Variants in ABCC9 observed in about 807,000 individuals in gnomAD.
ABCC9 encodes ATP-binding cassette sub-family C member 9.
A neutral mutation model predicts 188.3 loss-of-function variants in ABCC9; 95 were observed. The observed-to-expected ratio is 0.50, with a 90% CI of 0.43 to 0.60. ABCC9 has a LOEUF of 0.60. ABCC9 is among the 20% of genes least tolerant of loss of function. The probability of loss-of-function intolerance (pLI) is 0.00; values close to 1 mark genes in which losing one functional copy is unlikely to be tolerated. For missense variants in ABCC9, 1,102 were observed against 1,876.3 expected (o/e 0.59, Z 7.62); for synonymous variants, 659 against 652.7 (o/e 1.01, Z -0.15).
chr12:21,828,704 A>C, intron 31 of ABCC9: 1 of 477,008 alleles, frequency 2.1e-6, no homozygotes, highest in South Asian at 2.1e-5. Flanking sequence ...TTGCCATTCC[A>C]TTAACTTATG....
chr12:21,816,436 A>T (rs1017874327), intron 33 of ABCC9, among the ~76,000 whole-genome samples: 9 of 152,042 alleles, frequency 5.9e-5, no homozygotes, highest in African/African-American at 2.2e-4. Flanking sequence ...GTGCTCTGGG[A>T]GCATGGATGG....
chr12:21,915,354 TATA>T lies in ABCC9; in HGVS notation c.816+311_816+313del, dbSNP rs573909374. Among the ~76,000 whole-genome samples, 57 of 145,844 alleles carry T rather than the reference TATA, an allele frequency of 3.9e-4. 1 individual carries two copies. The highest frequency in any genetic ancestry group is 1.3e-3 in the African/African-American group (51 of 39,628). The stretch of plus-strand genomic sequence containing the variant: ...GTATATATAGACATGTGTATGTATA[TATA>T]ATGTGTATATATGTGTGTATATATA... On this transcript the variant is annotated intron_variant, in intron 7 of 39. Coordinates refer to ENST00000261200, the MANE Select transcript of ABCC9 (RefSeq NM_020297.4).
chr12:21,921,216 C>T (rs970368046), intron 5 of ABCC9, among the ~76,000 whole-genome samples: 1 of 152,056 alleles, frequency 6.6e-6, no homozygotes, highest in African/African-American at 2.4e-5. Context: ...CTTTTCTCCT[C>T]ATTCTTGCCA....
At position 21,931,062 on chromosome 12, in the gene ABCC9, T is replaced by A. The variant is rs567876086; in HGVS notation, c.284+2720A>T. Among the ~76,000 whole-genome samples, 87 of 152,172 alleles carry A rather than the reference T, an allele frequency of 5.7e-4. 1 individual carries two copies. The highest frequency in any genetic ancestry group is 8.2e-4 in the Non-Finnish European group (56 of 68,024). On this transcript the variant is annotated intron_variant, in intron 4 of 39. Transcript: ENST00000261200. ...TAGAAGCACATTTAAATTTAAAAAT[T>A]AAATTGAGCTATGATATGGTTTGGC... is the stretch of plus-strand genomic sequence containing the variant.
intron 30 of ABCC9, 148 bp from the exon 31 acceptor site, chr12:21,829,208 T>TC (rs1943573459): frequency 3.4e-6 from 2 of 596,518 alleles, no homozygotes. Flanking sequence ...TTTTTTTTTT[T>TC]TTTTTTTTTT....
At chr12:21,805,609 G>A (rs1013850480) in intron 39 of ABCC9, among the ~76,000 whole-genome samples, 1 of 152,080 alleles carries the variant, frequency 6.6e-6, no homozygotes, top group Non-Finnish European at 1.5e-5. Flanking sequence ...TAGAAATTAG[G>A]TATAGATAGT....
intron 22 of ABCC9, among the ~76,000 whole-genome samples, chr12:21,858,411 T>TA (rs1945335810): frequency 1.3e-5 from 2 of 150,280 alleles, no homozygotes; most frequent in African/African-American, 4.9e-5. Flanking sequence ...CAGTCTCTAC[T>TA]AAAAATAAAA....
intron 14 of ABCC9, among the ~76,000 whole-genome samples, chr12:21,892,594 C>A (rs1947215407): frequency 6.6e-6 from 1 of 152,098 alleles, no homozygotes; most frequent in African/African-American, 2.4e-5. Context: ...AAAATGAGGG[C>A]AGATGTGGCC....
At chr12:21,805,183 G>C in intron 39 of ABCC9, 5 of 1,613,956 alleles carry the variant, frequency 3.1e-6, no homozygotes, top group Non-Finnish European at 4.2e-6. Context: ...TCTACTTGTT[G>C]GTCATCACCA....
At chr12:21,935,470 G>T (rs1349558322) in intron 3 of ABCC9, among the ~76,000 whole-genome samples, 1 of 151,950 alleles carries the variant, frequency 6.6e-6, no homozygotes, top group African/African-American at 2.4e-5. Flanking sequence ...CCTCTCAATT[G>T]ATATTTGTTA....
At chr12:21,887,748 A>T (rs1387159079) in intron 15 of ABCC9, 78 bp downstream of exon 15, 2 of 962,278 alleles carry the variant, frequency 2.1e-6, no homozygotes, top group Non-Finnish European at 3.4e-6. Context: ...ATCTCTTCTA[A>T]CTCAGTTGTA....
intron 12 of ABCC9, 130 bp downstream of exon 12, chr12:21,905,996 C>G: frequency 9.7e-7 from 1 of 1,033,414 alleles, no homozygotes; most frequent in Non-Finnish European, 1.5e-6. Flanking sequence ...TTGGACAGCA[C>G]GTGTTTAGAA....
Position 21,845,590 on chromosome 12 carries a change from G to C in ABCC9, c.3096+13C>G. The C allele has an allele frequency of 1.2e-6, 2 of 1,607,988 alleles. No individual in the cohort carries two copies. Among genetic ancestry groups the C allele is most frequent in the South Asian group, 2.2e-5 (2 of 90,750 alleles). ...TCCTTGATGATTTAAAAACAAAACCGAACCAATTGTACCTGATCAGCTTTT... is the reference window on the plus strand; with the variant it reads ...TCCTTGATGATTTAAAAACAAAACCCAACCAATTGTACCTGATCAGCTTTT... On this transcript the variant is annotated intron_variant, in intron 26 of 39. Coordinates refer to ENST00000261200, the MANE Select transcript of ABCC9 (RefSeq NM_020297.4).
At chr12:21,821,863 A>G (rs1041057790) in intron 31 of ABCC9, among the ~76,000 whole-genome samples, 1 of 152,162 alleles carries the variant, frequency 6.6e-6, no homozygotes, top group African/African-American at 2.4e-5. Flanking sequence ...AGACTCATCA[A>G]TAAGTTGTAG....
At chr12:21,908,296 T>C in intron 10 of ABCC9, 85 bp from the exon 11 acceptor site, 1 of 1,460,596 alleles carries the variant, frequency 6.8e-7, no homozygotes, top group Non-Finnish European at 9.5e-7. Context: ...AGTGCAAATG[T>C]AGTATTTCTT....
At chr12:21,933,184 C>T (rs571779366) in intron 4 of ABCC9, among the ~76,000 whole-genome samples, 2 of 151,734 alleles carry the variant, frequency 1.3e-5, no homozygotes, top group East Asian at 3.9e-4. Flanking sequence ...CACATGGACA[C>T]ACAGAGGGAA....
intron 19 of ABCC9, 69 bp from the exon 20 acceptor site, chr12:21,863,123 C>T (rs1945605555): frequency 7.0e-6 from 7 of 1,004,856 alleles, no homozygotes; most frequent in African/African-American, 1.6e-5. Flanking sequence ...ATGTATTTTA[C>T]TATAAATAGG....
At chr12:21,837,269 C>T (rs11835653) in intron 30 of ABCC9, among the ~76,000 whole-genome samples, 6,633 of 152,066 alleles carry the variant, frequency 0.044, 168 homozygotes, top group African/African-American at 0.077. Flanking sequence ...TTCATGATGC[C>T]GCCTACATAG....
At chr12:21,866,227 A>T (rs1413741920) in intron 18 of ABCC9, among the ~76,000 whole-genome samples, 1 of 70,206 alleles carries the variant, frequency 1.4e-5, no homozygotes, top group Non-Finnish European at 3.3e-5. Context: ...AGGGGCTCAT[A>T]ATCCATTTTA....
Sources: gnomAD v4.1 joint callset for allele counts (sites outside exome capture counted in the v4.1 genomes callset) on GRCh38, gnomAD v4.1.1 for gene constraint, MANE v1.5 for transcripts, NCBI Gene and HGNC (gene_info 2026-07-23, HGNC 2026-07-21) for gene names.